Variants in SAXO1 observed in about 807,000 individuals in gnomAD.
SAXO1 encodes the protein 4930500O09Rik.
In SAXO1, 21 loss-of-function variants were observed where a neutral mutation model predicts 17.5. The ratio of observed to expected loss-of-function variants is 1.20; its 90% CI spans 0.85 to 1.72. The LOEUF (loss-of-function observed/expected upper bound fraction) is 1.72, where lower values mean the gene tolerates loss of function less well. Ranked by LOEUF, SAXO1 falls within the 40% of genes most tolerant of loss-of-function variation. The pLI, the probability that SAXO1 is intolerant of heterozygous loss-of-function variation, is 0.00. For synonymous variants in SAXO1, 274 were observed against 216.5 expected (o/e 1.27, Z -2.33); for missense variants, 843 against 596.0 (o/e 1.41, Z -4.32).
At position 18,950,841 on chromosome 9, in the gene SAXO1, G is replaced by T. The variant is rs748719736; in HGVS notation, c.135C>A (p.His45Gln). ...TGAAGGACTCTCTGGGCAGGTAGGA[G>T]TGATAGAAAGGGTAGTTCTCGGTAT... ...SEYTENYPFY[H>Q]SYLPRESFKP... The change falls in exon 2 of 4, where the codon CAC (histidine) becomes CAA (glutamine). Residue 45 changes from histidine to glutamine, a missense_variant. By Grantham distance (24) the His-to-Gln change is conservative (BLOSUM62 0). Transcript: ENST00000380534. The T allele has an allele frequency of 1.9e-6, 3 of 1,613,878 alleles. No individual in the cohort carries two copies. In the Admixed American group the frequency reaches 5.0e-5, roughly 27 times the overall value.
chr9:18,956,152 T>G (rs1443280862), intron 1 of SAXO1, among the ~76,000 whole-genome samples: 3 of 148,044 alleles, frequency 2.0e-5, no homozygotes, highest in Non-Finnish European at 3.0e-5. Flanking sequence ...AGTTTTGCCA[T>G]GTTGCCCAGG....
chr9:18,975,627 GAGA>G (rs1385768091), intron 1 of SAXO1, among the ~76,000 whole-genome samples: 6 of 152,220 alleles, frequency 3.9e-5, no homozygotes, highest in Non-Finnish European at 5.9e-5. Context: ...AGTGACTAGT[GAGA>G]AGGCCTCTAC....
chr9:18,983,852 A>G (rs1588478954), intron 1 of SAXO1, among the ~76,000 whole-genome samples: 1 of 152,220 alleles, frequency 6.6e-6, no homozygotes, highest in African/African-American at 2.4e-5. Context: ...GAAGGCCAAT[A>G]CCAGTCAATG....
chr9:19,038,031 G>A (rs552581148), upstream of SAXO1, among the ~76,000 whole-genome samples: 19 of 152,208 alleles, frequency 1.2e-4, no homozygotes, highest in African/African-American at 4.3e-4. Flanking sequence ...GGTCATCAGA[G>A]AAATGCAAAT....
At chr9:18,962,630 T>A (rs1331476383) in intron 1 of SAXO1, among the ~76,000 whole-genome samples, 3 of 152,028 alleles carry the variant, frequency 2.0e-5, no homozygotes, top group Admixed American at 2.0e-4. Flanking sequence ...CGTCTGTTCA[T>A]ATCGTTCACC....
At chr9:18,990,342 A>G (rs1833766920) in intron 1 of SAXO1, among the ~76,000 whole-genome samples, 1 of 152,200 alleles carries the variant, frequency 6.6e-6, no homozygotes, top group Non-Finnish European at 1.5e-5. Flanking sequence ...ACTCATGACA[A>G]TGGGACAATT....
intron 1 of SAXO1, chr9:19,027,054 G>T (rs1835505880): frequency 1.2e-6 from 1 of 843,344 alleles, no homozygotes; most frequent in Non-Finnish European, 2.1e-6. Context: ...AGCCATGAAG[G>T]ACAAGATCAA....
intron 1 of SAXO1, among the ~76,000 whole-genome samples, chr9:18,960,637 T>C (rs1324663300): frequency 6.6e-6 from 1 of 152,012 alleles, no homozygotes; most frequent in African/African-American, 2.4e-5. Context: ...ACAAAAGTTA[T>C]CCAGGTGTGG....
intron 3 of SAXO1, among the ~76,000 whole-genome samples, chr9:18,932,964 G>C (rs980018504): frequency 1.3e-5 from 2 of 152,152 alleles, no homozygotes; most frequent in African/African-American, 2.4e-5. Flanking sequence ...TGTTGTCTGA[G>C]AATAAAGACA....
chr9:19,010,423 A>T (rs1318736983), intron 1 of SAXO1, among the ~76,000 whole-genome samples: 2 of 151,864 alleles, frequency 1.3e-5, no homozygotes, highest in African/African-American at 4.8e-5. Flanking sequence ...GTTTCTTTAC[A>T]CACCTCTGGT....
chr9:18,994,282 C>A (rs764910569), intron 1 of SAXO1, among the ~76,000 whole-genome samples: 18 of 152,028 alleles, frequency 1.2e-4, no homozygotes, highest in Non-Finnish European at 2.4e-4. Flanking sequence ...GCCACTGAAA[C>A]CTTAGGAAAA....
chr9:18,947,819 C>A (rs529352845), intron 2 of SAXO1: 3 of 152,214 alleles, frequency 2.0e-5, no homozygotes, highest in Non-Finnish European at 4.4e-5. Context: ...TGCTGTAAAT[C>A]CCCAAGATTT....
chr9:18,930,719 G>A (rs558911023), intron 3 of SAXO1, among the ~76,000 whole-genome samples: 8 of 152,248 alleles, frequency 5.3e-5, no homozygotes, highest in South Asian at 2.1e-4. Context: ...GGCTGGTCTC[G>A]AACTCCCGAC....
At chr9:18,949,069 T>C (rs1434690773) in intron 2 of SAXO1, among the ~76,000 whole-genome samples, 1 of 152,186 alleles carries the variant, frequency 6.6e-6, no homozygotes, top group Non-Finnish European at 1.5e-5. Context: ...TTATGGTCTT[T>C]AGACTCTCAG....
chr9:19,010,554 G>C (rs138274511), intron 1 of SAXO1, among the ~76,000 whole-genome samples: 1 of 151,504 alleles, frequency 6.6e-6, no homozygotes, highest in East Asian at 1.9e-4. Flanking sequence ...CTGACCACCC[G>C]AAACAGTGAA....
chr9:18,974,938 C>A (rs1001607538), intron 1 of SAXO1, among the ~76,000 whole-genome samples: 1 of 152,080 alleles, frequency 6.6e-6, no homozygotes, highest in Admixed American at 6.6e-5. Flanking sequence ...TAATCAAATA[C>A]AAAGGGAACA....
intron 1 of SAXO1, among the ~76,000 whole-genome samples, chr9:18,951,814 C>T (rs1832051760): frequency 6.6e-6 from 1 of 152,182 alleles, no homozygotes. Context: ...ATTTTTCAAC[C>T]TTGTCCACTG....
chr9:19,046,275 A>T (rs1463550178), intron 1 of SAXO1, among the ~76,000 whole-genome samples: 1 of 152,150 alleles, frequency 6.6e-6, no homozygotes, highest in Non-Finnish European at 1.5e-5. Context: ...AGCCTGTGGA[A>T]ATTAAAAATA....
chr9:19,040,658 A>C (rs1057179790), intron 1 of SAXO1, among the ~76,000 whole-genome samples: 1 of 152,060 alleles, frequency 6.6e-6, no homozygotes, highest in Admixed American at 6.6e-5. Flanking sequence ...AAAAGAAGAA[A>C]AAAAAAGAGA....
Sources: allele counts gnomAD v4.1 joint callset (sites outside exome capture counted in the v4.1 genomes callset), GRCh38; gene constraint gnomAD v4.1.1; transcripts MANE v1.5; gene names NCBI Gene and HGNC (gene_info 2026-07-23, HGNC 2026-07-21).